Variants in OVCH1 observed in about 807,000 individuals in gnomAD.
OVCH1 encodes ovochymase-1.
A neutral mutation model predicts 138.4 loss-of-function variants in OVCH1; 139 were observed. The ratio of observed to expected loss-of-function variants is 1.00; its 90% CI spans 0.87 to 1.16. The LOEUF is 1.16. Among genes scored for constraint, OVCH1 ranks in the 50% most tolerant of loss-of-function variants. The pLI, the probability that OVCH1 is intolerant of heterozygous loss-of-function variation, is 0.00. For synonymous variants in OVCH1, 453 were observed against 467.8 expected (o/e 0.97, Z 0.41); for missense variants, 1,367 against 1,357.9 (o/e 1.01, Z -0.11).
At chr12:29,452,837 T>C (rs1941835549) in intron 21 of OVCH1, among the ~76,000 whole-genome samples, 1 of 152,162 alleles carries the variant, frequency 6.6e-6, no homozygotes, top group Non-Finnish European at 1.5e-5. Flanking sequence ...GGGTGTTAAA[T>C]ATGGCATGGT....
intron 8 of OVCH1, among the ~76,000 whole-genome samples, chr12:29,486,020 A>G (rs1015598925): frequency 6.6e-6 from 1 of 151,894 alleles, no homozygotes; most frequent in East Asian, 1.9e-4. Context: ...AAATGGATAC[A>G]GCTTTTAGCA....
chr12:29,471,445 T>C (rs1291783889), intron 16 of OVCH1, among the ~76,000 whole-genome samples: 1 of 152,174 alleles, frequency 6.6e-6, no homozygotes, highest in Non-Finnish European at 1.5e-5. Context: ...AGTGGAACTA[T>C]GAGCACTTAG....
At chr12:29,487,393 T>C in intron 7 of OVCH1, 1 of 240,604 alleles carries the variant, frequency 4.2e-6, no homozygotes, top group East Asian at 9.1e-5. Context: ...AGAAAAATCA[T>C]GCCAACTGAA....
intron 5 of OVCH1, 117 bp from the exon 6 acceptor site, chr12:29,489,888 G>T: frequency 9.0e-7 from 1 of 1,110,508 alleles, no homozygotes; most frequent in Non-Finnish European, 1.3e-6. Flanking sequence ...AGAAGTAATT[G>T]TTTTTAGGTG....
intron 27 of OVCH1, among the ~76,000 whole-genome samples, chr12:29,429,950 A>T (rs1003840578): frequency 1.7e-4 from 26 of 152,150 alleles, no homozygotes; most frequent in African/African-American, 6.0e-4. Context: ...GGAAAAACGG[A>T]CCCCCACTTC....
intron 19 of OVCH1, among the ~76,000 whole-genome samples, chr12:29,459,562 T>C (rs1291847500): frequency 6.6e-6 from 1 of 152,100 alleles, no homozygotes; most frequent in Non-Finnish European, 1.5e-5. Context: ...AAAATAGTAT[T>C]TGATAGCACA....
rs1942710142 is a variant in OVCH1, at chr12:29,476,253, TA to T, written c.1423del (p.Tyr475MetfsTer5). 1.2e-6 allele frequency: 2 copies of T among 1,613,572 alleles called. No individual in the cohort carries two copies. Among genetic ancestry groups the T allele is most frequent in the Admixed American group, 3.3e-5 (2 of 59,988 alleles). The stretch of plus-strand genomic sequence containing the variant: ...ATCACCGTAAATCACAACAGCATCA[TA>T]AATACAGTTTGGACTAAATTTGACA... On this transcript the variant is annotated frameshift_variant, in exon 13 of 28. Coordinates refer to ENST00000318184, the Ensembl canonical transcript of OVCH1. LOFTEE classifies it high-confidence loss of function.
intron 16 of OVCH1, among the ~76,000 whole-genome samples, chr12:29,467,752 C>G (rs779264191): frequency 6.6e-6 from 1 of 152,038 alleles, no homozygotes; most frequent in African/African-American, 2.4e-5. Flanking sequence ...ATGAGAACAC[C>G]AGATTTTCCT....
At chr12:29,437,992 T>C (rs886392974) in intron 26 of OVCH1, among the ~76,000 whole-genome samples, 1 of 152,192 alleles carries the variant, frequency 6.6e-6, no homozygotes, top group African/African-American at 2.4e-5. Flanking sequence ...TTCAGACTTT[T>C]CTCAGCATAG....
At chr12:29,489,659 C>T in exon 6 of OVCH1, 1 of 1,609,074 alleles carries the variant, frequency 6.2e-7, no homozygotes, top group East Asian at 2.2e-5. Context: ...AGCCAGCACA[C>T]AGCATGGTCC....
chr12:29,473,005 A>G, intron 15 of OVCH1, 24 bp downstream of exon 15: 2 of 1,574,224 alleles, frequency 1.3e-6, no homozygotes, highest in Non-Finnish European at 1.7e-6. Flanking sequence ...TTAAACAGAT[A>G]GTAATAACAT....
chr12:29,465,152 C>T (rs1401811431), exon 17 of OVCH1: 3 of 1,600,510 alleles, frequency 1.9e-6, no homozygotes, highest in Non-Finnish European at 2.6e-6. Context: ...TTCACCTGCT[C>T]TGTTGATTCC....
chr12:29,489,795 T>G, intron 5 of OVCH1, 24 bp from the exon 6 acceptor site: 1 of 1,598,128 alleles, frequency 6.3e-7, no homozygotes, highest in Non-Finnish European at 8.5e-7. Context: ...ACAGATAAGT[T>G]AGCACACAAT....
chr12:29,454,743 T>C (rs1290093737), intron 21 of OVCH1, 98 bp downstream of exon 21: 14 of 1,058,082 alleles, frequency 1.3e-5, no homozygotes, highest in Non-Finnish European at 2.0e-5. Context: ...ACACAGAGGT[T>C]ATAGTGTTCC....
At chr12:29,431,203 A>C (rs1592032285) in intron 27 of OVCH1, among the ~76,000 whole-genome samples, 6 of 152,160 alleles carry the variant, frequency 3.9e-5, no homozygotes, top group Admixed American at 3.9e-4. Flanking sequence ...TTGGGAGTCC[A>C]TGGCAGGAAG....
At chr12:29,490,455 A>G (rs1943244337) in intron 5 of OVCH1, among the ~76,000 whole-genome samples, 1 of 152,222 alleles carries the variant, frequency 6.6e-6, no homozygotes, top group African/African-American at 2.4e-5. Flanking sequence ...TAAAAATTGT[A>G]TTTATTCAAG....
At chr12:29,488,299 TA>T (rs933005997) in intron 6 of OVCH1, among the ~76,000 whole-genome samples, 2 of 152,082 alleles carry the variant, frequency 1.3e-5, no homozygotes, top group African/African-American at 4.8e-5. Flanking sequence ...CCCCTCAAGA[TA>T]GTTCAAGGCC....
At chr12:29,474,939 G>A in intron 14 of OVCH1, 122 bp downstream of exon 14, 1 of 1,153,792 alleles carries the variant, frequency 8.7e-7, no homozygotes, top group South Asian at 1.8e-5. Context: ...CCAGAAATCT[G>A]CATTTTTGTT....
At chr12:29,474,190 T>C (rs907509968) in intron 14 of OVCH1, among the ~76,000 whole-genome samples, 15 of 152,116 alleles carry the variant, frequency 9.9e-5, no homozygotes, top group Non-Finnish European at 1.8e-4. Flanking sequence ...CTACTATATA[T>C]ATAATAAAAC....
Sources: gnomAD v4.1 joint callset for allele counts (sites outside exome capture counted in the v4.1 genomes callset) on GRCh38, gnomAD v4.1.1 for gene constraint, MANE v1.5 for transcripts, NCBI Gene and HGNC (gene_info 2026-07-23, HGNC 2026-07-21) for gene names.